RALB: variants seen among roughly 807,000 people sequenced by gnomAD.
RALB encodes RAS like proto-oncogene B, also known as ras-related protein Ral-B.
RALB carries 16 observed loss-of-function variants against 21.3 expected under a neutral mutation model. The observed-to-expected ratio is 0.75, with a 90% CI of 0.51 to 1.14. The LOEUF (loss-of-function observed/expected upper bound fraction) is 1.14. Among genes scored for constraint, RALB ranks in the 50% most tolerant of loss-of-function variants. RALB has a pLI of 0.00. For missense variants in RALB, 161 were observed against 256.2 expected (o/e 0.63, Z 2.54); for synonymous variants, 93 against 96.1 (o/e 0.97, Z 0.19).
intron 2 of RALB, chr2:120,280,687 C>T (rs983814743): frequency 3.6e-6 from 1 of 275,248 alleles, no homozygotes; most frequent in African/African-American, 2.5e-5. Context: ...ATGTTCTGCA[C>T]ATGTATCCCA....
intron 1 of RALB, among the ~76,000 whole-genome samples, chr2:120,272,903 C>G (rs985844559): frequency 6.6e-6 from 1 of 152,170 alleles, no homozygotes; most frequent in Admixed American, 6.5e-5. Context: ...TCTGTCTGAA[C>G]CACTAGTCTT....
chr2:120,282,690 A>G (rs893985255), intron 2 of RALB, among the ~76,000 whole-genome samples: 2 of 152,058 alleles, frequency 1.3e-5, no homozygotes, highest in Non-Finnish European at 2.9e-5. Flanking sequence ...TGTTTTTCTC[A>G]TGGGCTAACA....
Position 120,290,829 on chromosome 2 carries a change from C to T in RALB, c.501+1072C>T, listed in dbSNP as rs939246514. On this transcript the variant is annotated intron_variant, in intron 4 of 4. Transcript: ENST00000272519. ...GGTTGCCACACAGCTAAAATTTTAACGCTGTGCCTTAAAGATGAGGCTTTC... is the reference window on the plus strand; with the variant it reads ...GGTTGCCACACAGCTAAAATTTTAATGCTGTGCCTTAAAGATGAGGCTTTC... Among the ~76,000 whole-genome samples the T allele has an allele frequency of 8.5e-5, 13 of 152,308 alleles. 1 individual carries two copies. Among genetic ancestry groups the T allele is most frequent in the Middle Eastern group, 6.8e-3 (2 of 294 alleles).
chr2:120,260,209 G>A (rs1487236905), intron 1 of RALB, among the ~76,000 whole-genome samples: 1 of 152,236 alleles, frequency 6.6e-6, no homozygotes, highest in South Asian at 2.1e-4. Context: ...GCAGTGCAGT[G>A]GGGGGACTGA....
intron 1 of RALB, among the ~76,000 whole-genome samples, chr2:120,276,419 A>G (rs111681154): frequency 0.017 from 2,653 of 152,234 alleles, 83 homozygotes; most frequent in African/African-American, 0.061. Context: ...CCTGGCCAAC[A>G]TGGTGAAACC....
rs1211320828 is a variant in RALB at position 120,293,777 on chromosome 2, C to G, written c.*517C>G. 5.8e-6 allele frequency: 1 copy of G among 172,720 alleles called. No homozygotes were observed. The highest frequency in any genetic ancestry group is 2.5e-3 in the Middle Eastern group (1 of 408). 10.7% of individuals were successfully genotyped at this position (172,720 alleles called of 1,614,324 possible). ...TTTTGGGTAAGCTTCTTGGCAATAC[C>G]CTGTGGATCTGAAACAGCTAAAAAA... On this transcript the variant is annotated 3_prime_UTR_variant, in exon 5 of 5. Coordinates refer to ENST00000272519, the MANE Select transcript of RALB (RefSeq NM_002881.3).
chr2:120,272,453 G>A (rs1047398657), intron 1 of RALB, among the ~76,000 whole-genome samples: 2 of 152,214 alleles, frequency 1.3e-5, no homozygotes, highest in African/African-American at 4.8e-5. Context: ...TGGGTAGAGA[G>A]AGGGACGACA....
At chr2:120,259,013 C>T (rs1167508850) in intron 1 of RALB, among the ~76,000 whole-genome samples, 1 of 151,990 alleles carries the variant, frequency 6.6e-6, no homozygotes, top group Non-Finnish European at 1.5e-5. Flanking sequence ...GTGAGTGTTA[C>T]AGCTCTTAAG....
At chr2:120,293,065 C>A in intron 4 of RALB, 76 bp from the exon 5 acceptor site, 1 of 1,413,194 alleles carries the variant, frequency 7.1e-7, no homozygotes, top group Non-Finnish European at 9.5e-7. Flanking sequence ...TTCACAGTGT[C>A]AGGTTAACAA....
At chr2:120,246,615 A>G (rs1161668316) in intron 1 of RALB, among the ~76,000 whole-genome samples, 1 of 152,138 alleles carries the variant, frequency 6.6e-6, no homozygotes, top group Non-Finnish European at 1.5e-5. Context: ...TGCTAGCGTC[A>G]TGTGCATCTG....
intron 1 of RALB, among the ~76,000 whole-genome samples, chr2:120,258,875 A>G (rs940746393): frequency 2.0e-5 from 3 of 152,052 alleles, no homozygotes; most frequent in Non-Finnish European, 2.9e-5. Context: ...CCTCGCGGTG[A>G]GTGTTACAGC....
chr2:120,253,746 G>A, intron 1 of RALB: 1 of 981,986 alleles, frequency 1.0e-6, no homozygotes, highest in Non-Finnish European at 1.2e-6. Context: ...GTCTTCGGGA[G>A]AGAAGTGCTT....
intron 4 of RALB, 53 bp downstream of exon 4, chr2:120,289,810 T>C (rs1377490049): frequency 1.6e-5 from 24 of 1,499,704 alleles, no homozygotes; most frequent in African/African-American, 9.9e-5. Flanking sequence ...AACAGCAGAA[T>C]GGAGGCATCT....
chr2:120,288,642 AT>A (rs558089115), intron 3 of RALB, among the ~76,000 whole-genome samples: 3 of 152,130 alleles, frequency 2.0e-5, no homozygotes, highest in Non-Finnish European at 2.9e-5. Flanking sequence ...GGGGTATTTA[AT>A]TTTTTTAAAT....
chr2:120,269,031 A>G (rs1689579948), intron 1 of RALB, among the ~76,000 whole-genome samples: 1 of 152,218 alleles, frequency 6.6e-6, no homozygotes, highest in Non-Finnish European at 1.5e-5. Context: ...CTAAATGGAT[A>G]CATCTGGACA....
chr2:120,248,230 G>GC (rs1183906935), upstream of RALB, among the ~76,000 whole-genome samples: 1 of 152,108 alleles, frequency 6.6e-6, no homozygotes. Context: ...AAGATCAAAT[G>GC]CCCCCAGGGA....
At chr2:120,249,266 C>A (rs573426357), upstream of RALB, among the ~76,000 whole-genome samples, 1 of 152,272 alleles carries the variant, frequency 6.6e-6, no homozygotes, top group South Asian at 2.1e-4. Context: ...AACTCCTGAC[C>A]TCATGATCCA....
rs1429053131 is a variant in RALB, at chr2:120,281,093, C to T, written c.114+2315C>T. 2.6e-5 allele frequency among the ~76,000 whole-genome samples: 4 copies of T among 152,342 alleles called. No homozygotes were observed. In the East Asian group the frequency reaches 7.7e-4, roughly 29 times the overall value. Reference sequence around the variant, plus strand: ...ATTGGAGCCTCAGCTGAGTCCTCTGCTCAGAGTCCCACAAGACTCCACTCA... The same window carrying T: ...ATTGGAGCCTCAGCTGAGTCCTCTGTTCAGAGTCCCACAAGACTCCACTCA... On this transcript the variant is annotated intron_variant, in intron 2 of 4. Transcript: ENST00000272519.
In RALB at chr2:120,259,002, G is replaced by C. The variant is rs542266659; in HGVS notation, c.-48+6022G>C. Among the ~76,000 whole-genome samples the C allele has an allele frequency of 4.0e-3, 602 of 152,152 alleles. 5 individuals are homozygous for C. Among genetic ancestry groups the C allele is most frequent in the African/African-American group, 0.014 (567 of 41,488 alleles). ...CAGGAGTGAAGCTGCAGACCTTCGC[G>C]GTGAGTGTTACAGCTCTTAAGGTAG... On this transcript the variant is annotated intron_variant, in intron 1 of 4. Coordinates refer to ENST00000272519, the MANE Select transcript of RALB (RefSeq NM_002881.3).
Sources: gnomAD v4.1 joint callset for allele counts (sites outside exome capture counted in the v4.1 genomes callset) on GRCh38, gnomAD v4.1.1 for gene constraint, MANE v1.5 for transcripts, NCBI Gene and HGNC (gene_info 2026-07-23, HGNC 2026-07-21) for gene names.